VLDLR: variants seen among roughly 807,000 people sequenced by gnomAD.
VLDLR encodes very low-density lipoprotein receptor.
VLDLR carries 81 observed loss-of-function variants against 112.7 expected under a neutral mutation model. The observed-to-expected ratio is 0.72, with a 90% CI of 0.60 to 0.86. The LOEUF (loss-of-function observed/expected upper bound fraction) is 0.86, where lower values mean the gene tolerates loss of function less well. VLDLR is among the 40% of genes least tolerant of loss of function. The pLI is 0.00. For missense variants in VLDLR, 1,237 were observed against 1,099.4 expected (o/e 1.13, Z -1.77); for synonymous variants, 436 against 384.8 (o/e 1.13, Z -1.56).
intron 2 of VLDLR, 105 bp from the exon 3 acceptor site, chr9:2,639,754 T>C (rs571053377): frequency 2.6e-6 from 4 of 1,556,982 alleles, no homozygotes; most frequent in South Asian, 1.1e-5. Flanking sequence ...TTGACTCAGC[T>C]TTTTTTTAGA....
Position 2,656,620 on chromosome 9 carries a change from TTAAG to T in VLDLR, c.*2753_*2756del, listed in dbSNP as rs1818620030. On this transcript the variant is annotated 3_prime_UTR_variant, in exon 19 of 19. Transcript: ENST00000382100. The stretch of plus-strand genomic sequence containing the variant: ...CTCTAGAGTTCAATGTAGAAGATAA[TTAAG>T]AGGTAAAATATGAAGCTTATCATAC... The T allele has an allele frequency of 6.6e-6, 1 of 152,032 alleles. No homozygotes were observed. Among genetic ancestry groups the T allele is most frequent in the Non-Finnish European group, 1.5e-5 (1 of 68,002 alleles). 9.4% of individuals were successfully genotyped at this position (152,032 alleles called of 1,614,324 possible).
At chr9:2,638,620 T>C (rs1469270039) in intron 2 of VLDLR, among the ~76,000 whole-genome samples, 1 of 152,200 alleles carries the variant, frequency 6.6e-6, no homozygotes, top group Non-Finnish European at 1.5e-5. Context: ...ATGGGTAGGA[T>C]AATCAAGCTG....
intron 1 of VLDLR, among the ~76,000 whole-genome samples, chr9:2,634,753 G>A (rs973378526): frequency 6.6e-6 from 1 of 152,152 alleles, no homozygotes; most frequent in East Asian, 1.9e-4. Context: ...TCTTGGAGCT[G>A]TTTTTTAAAG....
rs937768014 is a variant in VLDLR, at chr9:2,647,398, A to G, written c.1704-76A>G. 9.4e-6 allele frequency: 12 copies of G among 1,280,268 alleles called. No homozygotes were observed. In the African/African-American group the frequency reaches 1.8e-4, roughly 19 times the overall value. The allele number at this position is 1,280,268 out of a possible 1,614,324, so 79.3% of individuals were successfully genotyped here. Reference sequence around the variant, plus strand: ...GCCTTGAGTTTTCTGCTCAAATTTTAAATTTTTGTTTCCAGCTACTACAAC... The same window carrying G: ...GCCTTGAGTTTTCTGCTCAAATTTTGAATTTTTGTTTCCAGCTACTACAAC... On this transcript the variant is annotated intron_variant, in intron 11 of 18. Coordinates refer to ENST00000382100, the MANE Select transcript of VLDLR (RefSeq NM_003383.5).
Position 2,647,548 on chromosome 9 carries a change from C to T in VLDLR, c.1778C>T (p.Pro593Leu), listed in dbSNP as rs1445990951. ...GGAATGAATGGATTCGATAGACGTC[C>T]ACTGGTGACAGCGGATATCCAGTGG... ...KAGMNGFDRR[P>L]LVTADIQWPN... is the part of the protein sequence containing the mutation. The change falls in exon 12 of 19, where the codon CCA (proline) becomes CTA (leucine). Residue 593 changes from proline (P) to leucine (L), a missense_variant. Pro to Leu is a moderately conservative substitution (Grantham distance 98). Transcript: ENST00000382100. 7 of 1,614,030 alleles carry T rather than the reference C, an allele frequency of 4.3e-6. No homozygotes were observed. Among genetic ancestry groups the T allele is most frequent in the African/African-American group, 4.0e-5 (3 of 74,912 alleles).
At chr9:2,647,680 T>A in intron 12 of VLDLR, 88 bp downstream of exon 12, 5 of 1,153,474 alleles carry the variant, frequency 4.3e-6, no homozygotes, top group South Asian at 1.2e-5. Context: ...GACTAGCAGA[T>A]GACTCTACTG....
At position 2,643,246 on chromosome 9, in the gene VLDLR, T is replaced by A. The variant is rs757057239; in HGVS notation, c.535T>A (p.Cys179Ser). The A allele has an allele frequency of 1.2e-6, 2 of 1,614,030 alleles. No individual in the cohort carries two copies. Among genetic ancestry groups the A allele is most frequent in the East Asian group, 2.2e-5 (1 of 44,898 alleles). Residue 179 changes from cysteine (C) to serine (S), a missense_variant, in exon 5 of 19, where the codon TGC (cysteine) becomes AGC (serine). By Grantham distance (112) the Cys-to-Ser change is moderately radical. Transcript: ENST00000382100. ...CTTTGTATGCAATGGCCAGGATGACTGCAGCGATGGCAGTGATGAGCTGGA... is the reference window on the plus strand; with the variant it reads ...CTTTGTATGCAATGGCCAGGATGACAGCAGCGATGGCAGTGATGAGCTGGA... ...RNFVCNGQDD[C>S]SDGSDELDCA... is the part of the protein sequence containing the mutation.
At position 2,643,427 on chromosome 9, in the gene VLDLR, G is replaced by A; in HGVS notation, c.716G>A (p.Cys239Tyr). 6.2e-7 allele frequency: 1 copy of A among 1,614,174 alleles called. No individual in the cohort carries two copies. The change falls in exon 5 of 19, where the codon TGT becomes TAT. Residue 239 changes from cysteine (C) to tyrosine (Y), a missense_variant. Coordinates refer to ENST00000382100, the MANE Select transcript of VLDLR (RefSeq NM_003383.5). ...CGTCAGCCAGTCATACACACCAAGT[G>A]TCCAGCCAGCGAAATCCAGTGCGGC... The part of the protein sequence containing the change: ...CGRQPVIHTK[C>Y]PASEIQCGSG...
In VLDLR at chr9:2,622,275, AGTG is replaced by A. The variant is rs1563740861; in HGVS notation, c.82+5_82+7del. On this transcript the variant is annotated splice_donor_5th_base_variant and intron_variant, in intron 1 of 18. Transcript: ENST00000382100. ...GAGAGCGGCGCCACCGGAACCGGTG[AGTG>A]AGGACGCGCCCCTCCGCCGGCGGGC... The A allele has an allele frequency of 2.0e-6, 3 of 1,481,634 alleles. No individual in the cohort carries two copies. The highest frequency in any genetic ancestry group is 1.5e-5 in the African/African-American group (1 of 68,376). The allele number at this position is 1,481,634 out of a possible 1,614,324, so 91.8% of individuals were successfully genotyped here.
intron 1 of VLDLR, among the ~76,000 whole-genome samples, chr9:2,628,544 C>A (rs1457395238): frequency 6.6e-6 from 1 of 152,198 alleles, no homozygotes; most frequent in Non-Finnish European, 1.5e-5. Flanking sequence ...TGACCCCATT[C>A]TTGGCTATTC....
intron 10 of VLDLR, among the ~76,000 whole-genome samples, 154 bp from the exon 11 acceptor site, chr9:2,646,180 A>T (rs918874631): frequency 2.5e-4 from 38 of 151,272 alleles, no homozygotes; most frequent in African/African-American, 8.6e-4. Flanking sequence ...TAGGATCAGT[A>T]AGCAGCATGG....
intron 1 of VLDLR, among the ~76,000 whole-genome samples, chr9:2,633,051 A>AGAGTGTGTGTGTGTGT (rs1460780869): frequency 4.3e-5 from 5 of 115,402 alleles, no homozygotes; most frequent in African/African-American, 1.0e-4. Flanking sequence ...AGAGAGAGAG[A>AGAGTGTGTGTGTGTGT]GTGTGTGTGT....
intron 2 of VLDLR, among the ~76,000 whole-genome samples, chr9:2,637,209 C>T (rs1586644135): frequency 6.6e-6 from 1 of 152,148 alleles, no homozygotes; most frequent in African/African-American, 2.4e-5. Context: ...AAGAGGAAAG[C>T]TATAGAATTA....
Position 2,652,821 on chromosome 9 carries a change from C to A in VLDLR, c.2458C>A (p.Arg820=). 6.2e-7 allele frequency: 1 copy of A among 1,614,088 alleles called. No individual in the cohort carries two copies. The highest frequency in any genetic ancestry group is 8.5e-7 in the Non-Finnish European group (1 of 1,180,008). Residue 820 remains arginine, a synonymous_variant, in exon 18 of 19, where the codon CGG becomes AGG. Transcript: ENST00000382100. ...AGCAGTAGGTGGCTACTTGATGTGG[C>A]GGAATTGGCAACACAAGAACATGAA... The part of the protein sequence containing the change: ...MAAVGGYLMW[R]NWQHKNMKSM...
chr9:2,639,878 A>G lies in VLDLR; in HGVS notation c.222A>G (p.Glu74=). 6.2e-7 allele frequency: 1 copy of G among 1,614,180 alleles called. No homozygotes were observed. The highest frequency in any genetic ancestry group is 8.5e-7 in the Non-Finnish European group (1 of 1,180,032). Reference sequence around the variant, plus strand: ...TTGTAGTAAAGAAGACGTGTGCTGAATCTGACTTCGTGTGCAACAATGGCC... The same window carrying G: ...TTGTAGTAAAGAAGACGTGTGCTGAGTCTGACTTCGTGTGCAACAATGGCC... The part of the protein sequence containing the change: ...EKNCVKKTCA[E]SDFVCNNGQC... The change falls in exon 3 of 19, where the codon GAA becomes GAG. Residue 74 remains glutamate (E), a synonymous_variant. Coordinates refer to ENST00000382100, the MANE Select transcript of VLDLR (RefSeq NM_003383.5).
chr9:2,659,993 C>T lies in VLDLR; in HGVS notation c.*6125C>T, dbSNP rs1380872506. 1 of 152,172 alleles carries T rather than the reference C, an allele frequency of 6.6e-6. No individual in the cohort carries two copies. Among genetic ancestry groups the T allele is most frequent in the Non-Finnish European group, 1.5e-5 (1 of 68,038 alleles). The allele number at this position is 152,172 out of a possible 1,614,324, so 9.4% of individuals were successfully genotyped here. A position where few individuals can be genotyped will look rare whatever the true frequency, so the allele number is the denominator to read the frequency against. ...TGTTAGAATGCAGAGTCCTGATGAC[C>T]TGTCAATAAACTTTTTTTTACTAAT... On this transcript the variant is annotated 3_prime_UTR_variant, in exon 19 of 19. Transcript: ENST00000382100.
At chr9:2,648,566 TCAGTAAACTTAGTC>T in intron 13 of VLDLR, 89 bp from the exon 14 acceptor site, 1 of 1,579,270 alleles carries the variant, frequency 6.3e-7, no homozygotes, top group South Asian at 1.1e-5. Context: ...AGTTCAGCAT[TCAGTAAACTTAGTC>T]CATTAAATGA....
chr9:2,653,889 C>T lies in VLDLR; in HGVS notation c.*21C>T, dbSNP rs776834603. 3.7e-5 allele frequency: 60 copies of T among 1,613,514 alleles called. 1 individual carries two copies. Among genetic ancestry groups the T allele is most frequent in the South Asian group, 3.3e-5 (3 of 91,060 alleles). Reference sequence around the variant, plus strand: ...CTTGACTTCTGTGACAAATGTTGACCTTTGAGGTCTAAACAAATAATACCC... The same window carrying T: ...CTTGACTTCTGTGACAAATGTTGACTTTTGAGGTCTAAACAAATAATACCC... On this transcript the variant is annotated 3_prime_UTR_variant, in exon 19 of 19. Coordinates refer to ENST00000382100, the MANE Select transcript of VLDLR (RefSeq NM_003383.5).
intron 3 of VLDLR, among the ~76,000 whole-genome samples, chr9:2,640,909 T>G (rs1289122163): frequency 3.9e-5 from 6 of 152,242 alleles, no homozygotes; most frequent in African/African-American, 1.4e-4. Context: ...GCTTCTACTT[T>G]GCAAGATGTC....
Sources: gnomAD v4.1 joint callset for allele counts (sites outside exome capture counted in the v4.1 genomes callset) on GRCh38, gnomAD v4.1.1 for gene constraint, MANE v1.5 for transcripts, NCBI Gene and HGNC (gene_info 2026-07-23, HGNC 2026-07-21) for gene names.